The following CNIH1 variants were observed in gnomAD, a reference collection of about 807,000 sequenced individuals.
CNIH1 encodes cornichon family member 1, also known as protein cornichon homolog 1.
CNIH1 carries 12 observed loss-of-function variants against 20.2 expected under a neutral mutation model. That is an observed-to-expected ratio of 0.59 (90% CI 0.38 to 0.96). CNIH1 has a LOEUF of 0.96. Among genes scored for constraint, CNIH1 ranks in the 40% least tolerant of loss-of-function variants. The probability of loss-of-function intolerance (pLI) is 0.00; values close to 1 mark genes in which losing one functional copy is unlikely to be tolerated. For missense variants in CNIH1, 152 were observed against 178.8 expected (o/e 0.85, Z 0.85); for synonymous variants, 69 against 63.3 (o/e 1.09, Z -0.43).
chr14:54,427,743 G>C lies in CNIH1; in HGVS notation c.*71C>G. The stretch of plus-strand genomic sequence containing the variant: ...ACAGGCTACTCTTGGACAGGATCTT[G>C]CTGGATAGAATCCCTTCATTTGGTG... On this transcript the variant is annotated 3_prime_UTR_variant, in exon 5 of 5. Coordinates refer to ENST00000216416, the MANE Select transcript of CNIH1 (RefSeq NM_005776.3). 1.3e-6 allele frequency: 2 copies of C among 1,497,678 alleles called. No individual in the cohort carries two copies. The highest frequency in any genetic ancestry group is 2.3e-5 in the South Asian group (2 of 87,268). 92.8% of individuals were successfully genotyped at this position (1,497,678 alleles called of 1,614,324 possible). A position where few individuals can be genotyped will look rare whatever the true frequency, so the allele number is the denominator to read the frequency against.
chr14:54,439,561 T>TG (rs1365845754), intron 1 of CNIH1, among the ~76,000 whole-genome samples: 1 of 142,768 alleles, frequency 7.0e-6, no homozygotes, highest in Non-Finnish European at 1.6e-5. Flanking sequence ...TCTTTTTTTT[T>TG]GTTTTTTTTT....
intron 2 of CNIH1, among the ~76,000 whole-genome samples, chr14:54,434,327 T>C (rs1431385409): frequency 6.6e-6 from 1 of 152,150 alleles, no homozygotes. Flanking sequence ...CTCTTCTCAG[T>C]GAGAATTTCT....
intron 4 of CNIH1, 145 bp downstream of exon 4, chr14:54,430,116 G>T: frequency 2.6e-6 from 2 of 779,298 alleles, no homozygotes; most frequent in Non-Finnish European, 4.1e-6. Context: ...CACACTGAAT[G>T]TGTGCGAATT....
intron 3 of CNIH1, among the ~76,000 whole-genome samples, chr14:54,431,535 T>C (rs913065224): frequency 1.3e-5 from 2 of 152,254 alleles, no homozygotes; most frequent in African/African-American, 2.4e-5. Flanking sequence ...AATAAGGTTT[T>C]GACATGCCTA....
chr14:54,441,353 G>A lies in CNIH1; in HGVS notation c.-26C>T, dbSNP rs1025319900. On this transcript the variant is annotated 5_prime_UTR_variant, in exon 1 of 5. Coordinates refer to ENST00000216416, the MANE Select transcript of CNIH1 (RefSeq NM_005776.3). Reference sequence around the variant, plus strand: ...GGCTGGGGAGGAGGAGCGGGGAGCGGCGCCGTTGCCAGCGGAGAAAGGCGG... The same window carrying A: ...GGCTGGGGAGGAGGAGCGGGGAGCGACGCCGTTGCCAGCGGAGAAAGGCGG... 16 of 1,482,160 alleles carry A rather than the reference G, an allele frequency of 1.1e-5. No homozygotes were observed. The African/African-American group carries it at 1.9e-4, about 17-fold the overall frequency. 91.8% of individuals were successfully genotyped at this position (1,482,160 alleles called of 1,614,324 possible). A position where few individuals can be genotyped will look rare whatever the true frequency, so the allele number is the denominator to read the frequency against.
Position 54,427,136 on chromosome 14 carries a change from C to T in CNIH1, c.*678G>A, listed in dbSNP as rs1873025724. 1 of 152,110 alleles carries T rather than the reference C, an allele frequency of 6.6e-6. No individual in the cohort carries two copies. Among genetic ancestry groups the T allele is most frequent in the Non-Finnish European group, 1.5e-5 (1 of 67,996 alleles). The allele number at this position is 152,110 out of a possible 1,614,324, so 9.4% of individuals were successfully genotyped here. On this transcript the variant is annotated 3_prime_UTR_variant, in exon 5 of 5. Transcript: ENST00000216416. Reference sequence around the variant, plus strand: ...AACACATTTAAAATAGCTTTAAATGCATTCTTCACAAGTAATTCAGCATAT... The same window carrying T: ...AACACATTTAAAATAGCTTTAAATGTATTCTTCACAAGTAATTCAGCATAT...
At position 54,436,402 on chromosome 14, in the gene CNIH1, C is replaced by T; in HGVS notation, c.117G>A (p.Lys39=). The T allele has an allele frequency of 6.4e-7, 1 of 1,568,750 alleles. No individual in the cohort carries two copies. Among genetic ancestry groups the T allele is most frequent in the African/African-American group, 1.3e-5 (1 of 74,184 alleles). ...IAFDELKTDY[K]NPIDQCNTLN... is the part of the protein sequence containing the mutation. Reference sequence around the variant, plus strand: ...GGGTATTACACTGGTCTATAGGATTCTTGTAATCAGTCTTCAGCTCATCAA... The same window carrying T: ...GGGTATTACACTGGTCTATAGGATTTTTGTAATCAGTCTTCAGCTCATCAA... Residue 39 remains lysine, a synonymous_variant, in exon 2 of 5, where the codon AAG becomes AAA. Transcript: ENST00000216416.
intron 3 of CNIH1, among the ~76,000 whole-genome samples, chr14:54,431,480 T>C (rs878939064): frequency 2.0e-5 from 3 of 152,204 alleles, no homozygotes; most frequent in Admixed American, 2.0e-4. Flanking sequence ...GATAACACTT[T>C]ACTTCTAAAT....
chr14:54,431,764 T>C (rs1363988900), intron 3 of CNIH1, among the ~76,000 whole-genome samples: 1 of 152,126 alleles, frequency 6.6e-6, no homozygotes, highest in Admixed American at 6.5e-5. Context: ...TGACTTAAGA[T>C]GGGGCATAAG....
rs1357087788 is a variant in CNIH1 at position 54,424,487 on chromosome 14, G to T, written c.*3327C>A. 6.6e-6 allele frequency: 1 copy of T among 152,172 alleles called. No homozygotes were observed. Among genetic ancestry groups the T allele is most frequent in the African/African-American group, 2.4e-5 (1 of 41,446 alleles). The allele number at this position is 152,172 out of a possible 1,614,324, so 9.4% of individuals were successfully genotyped here. A position where few individuals can be genotyped will look rare whatever the true frequency, so the allele number is the denominator to read the frequency against. ...CTGCTAGGATATAACCACACCTAAGGTGAAAGCTCACCCCTACAGGGTATA... is the reference window on the plus strand; with the variant it reads ...CTGCTAGGATATAACCACACCTAAGTTGAAAGCTCACCCCTACAGGGTATA... On this transcript the variant is annotated 3_prime_UTR_variant, in exon 5 of 5. Transcript: ENST00000216416.
rs1184595447 is a variant in CNIH1 at position 54,441,255 on chromosome 14, T to C, written c.73A>G (p.Ile25Val). 1.3e-6 allele frequency: 2 copies of C among 1,517,640 alleles called. No homozygotes were observed. The highest frequency in any genetic ancestry group is 1.8e-6 in the Non-Finnish European group (2 of 1,130,634). The allele number at this position is 1,517,640 out of a possible 1,614,324, so 94.0% of individuals were successfully genotyped here. Residue 25 changes from isoleucine to valine, a missense_variant, in exon 1 of 5, where the codon ATT becomes GTT. This residue lies in a region of CNIH1 where 97 missense variants were observed against 100.6 expected (regional missense o/e 0.96). Coordinates refer to ENST00000216416, the MANE Select transcript of CNIH1 (RefSeq NM_005776.3). ...CAGCCCCAGCTACTCACGTGCCAAA[T>C]GGCGAAGAAGATGAGCGCGGCAGTG... Reference protein sequence around the residue: ...LLTAALIFFAIWHIIAFDELK... With the variant: ...LLTAALIFFAVWHIIAFDELK...
chr14:54,439,015 A>G (rs190432285), intron 1 of CNIH1, among the ~76,000 whole-genome samples: 10 of 152,332 alleles, frequency 6.6e-5, no homozygotes, highest in African/African-American at 1.4e-4. Flanking sequence ...GACTTTCACC[A>G]GATGCCCAGT....
rs1394606831 is a variant in CNIH1 at position 54,425,989 on chromosome 14, T to C, written c.*1825A>G. ...GGATTATAGAAGACTTGGCCAGGTC[T>C]TGCATGATCAAAAGTCCTTGTGAAC... On this transcript the variant is annotated 3_prime_UTR_variant, in exon 5 of 5. Coordinates refer to ENST00000216416, the MANE Select transcript of CNIH1 (RefSeq NM_005776.3). 1 of 152,184 alleles carries C rather than the reference T, an allele frequency of 6.6e-6. No homozygotes were observed. Among genetic ancestry groups the C allele is most frequent in the Non-Finnish European group, 1.5e-5 (1 of 68,034 alleles). The allele number at this position is 152,184 out of a possible 1,614,324, so 9.4% of individuals were successfully genotyped here. A position where few individuals can be genotyped will look rare whatever the true frequency, so the allele number is the denominator to read the frequency against.
At chr14:54,427,897 T>G (rs1297051704) in intron 4 of CNIH1, 56 bp from the exon 5 acceptor site, 2 of 1,533,750 alleles carry the variant, frequency 1.3e-6, no homozygotes, top group African/African-American at 1.4e-5. Flanking sequence ...AAAAAAAAAC[T>G]CAGAGCATGA....
intron 2 of CNIH1, among the ~76,000 whole-genome samples, chr14:54,432,785 G>A (rs1594617361): frequency 6.6e-6 from 1 of 152,300 alleles, no homozygotes; most frequent in Non-Finnish European, 1.5e-5. Flanking sequence ...AGCACAGTGA[G>A]GGGAAGAACA....
In CNIH1 at chr14:54,441,317, G is replaced by C. The variant is rs752664587; in HGVS notation, c.11C>G (p.Thr4Arg). The C allele has an allele frequency of 2.6e-6, 4 of 1,513,122 alleles. No individual in the cohort carries two copies. Among genetic ancestry groups the C allele is most frequent in the South Asian group, 1.2e-5 (1 of 80,566 alleles). The allele number at this position is 1,513,122 out of a possible 1,614,324, so 93.7% of individuals were successfully genotyped here. A position where few individuals can be genotyped will look rare whatever the true frequency, so the allele number is the denominator to read the frequency against. The change falls in exon 1 of 5, where the codon ACG (threonine) becomes AGG (arginine). Residue 4 changes from threonine (T) to arginine (R), a missense_variant. Thr to Arg is a moderately conservative substitution (Grantham distance 71, BLOSUM62 -1). Transcript: ENST00000216416. ...CAGCATGTAGCAGAAGGCCGCGAACGTGAACGCCATGGCTGGGGAGGAGGA... is the reference window on the plus strand; with the variant it reads ...CAGCATGTAGCAGAAGGCCGCGAACCTGAACGCCATGGCTGGGGAGGAGGA... MAF[T>R]FAAFCYMLAL...
rs981773123 is a variant in CNIH1 at position 54,423,711 on chromosome 14, C to T, written c.*4103G>A. On this transcript the variant is annotated 3_prime_UTR_variant, in exon 5 of 5. Transcript: ENST00000216416. Reference sequence around the variant, plus strand: ...CAAACCATGAGCAGACAGCTAACTACATGTTATGTTTCTCTTAGTAGTTTT... The same window carrying T: ...CAAACCATGAGCAGACAGCTAACTATATGTTATGTTTCTCTTAGTAGTTTT... The T allele has an allele frequency of 3.9e-5, 6 of 152,168 alleles. No homozygotes were observed. The highest frequency in any genetic ancestry group is 6.5e-5 in the Admixed American group (1 of 15,276). The allele number at this position is 152,168 out of a possible 1,614,324, so 9.4% of individuals were successfully genotyped here.
Position 54,427,621 on chromosome 14 carries a change from T to TA in CNIH1, c.*192_*193insT. On this transcript the variant is annotated 3_prime_UTR_variant, in exon 5 of 5. Transcript: ENST00000216416. ...TACGTAATACCATTTAAAATCTTTA[T>TA]CTGAGTATAACATATGAAAACAGTC... 1 of 581,914 alleles carries TA rather than the reference T, an allele frequency of 1.7e-6. No individual in the cohort carries two copies. Among genetic ancestry groups the TA allele is most frequent in the South Asian group, 2.4e-5 (1 of 41,862 alleles). The allele number at this position is 581,914 out of a possible 1,614,324, so 36.0% of individuals were successfully genotyped here. A position where few individuals can be genotyped will look rare whatever the true frequency, so the allele number is the denominator to read the frequency against.
chr14:54,430,237 T>C, intron 4 of CNIH1, 24 bp downstream of exon 4: 1 of 1,611,406 alleles, frequency 6.2e-7, no homozygotes, highest in Non-Finnish European at 8.5e-7. Flanking sequence ...TGAAAGCATA[T>C]TTCATTTTAC....
Sources: gnomAD v4.1 joint callset for allele counts (sites outside exome capture counted in the v4.1 genomes callset) on GRCh38, gnomAD v4.1.1 for gene constraint, gnomAD v4.1.1 regional missense constraint, MANE v1.5 for transcripts, NCBI Gene and HGNC (gene_info 2026-07-23, HGNC 2026-07-21) for gene names.